MRAP2: variants seen among roughly 807,000 people sequenced by gnomAD.
The protein encoded by MRAP2 is melanocortin 2 receptor accessory protein 2, also known as melanocortin-2 receptor accessory protein 2.
A neutral mutation model predicts 17.4 loss-of-function variants in MRAP2; 20 were observed. The ratio of observed to expected loss-of-function variants is 1.15; its 90% CI spans 0.81 to 1.67. The LOEUF is 1.67. Ranked by LOEUF, MRAP2 falls within the 40% of genes most tolerant of loss-of-function variation. The pLI, the probability that MRAP2 is intolerant of heterozygous loss-of-function variation, is 0.00. For synonymous variants in MRAP2, 96 were observed against 88.4 expected (o/e 1.09, Z -0.48); for missense variants, 238 against 240.0 (o/e 0.99, Z 0.05).
At chr6:84,139,294 C>G in the MRAP2 span, among the ~76,000 whole-genome samples, 1 of 152,116 alleles carries the variant, frequency 6.6e-6, no homozygotes, top group African/African-American at 2.4e-5. Context: ...AGCCTAAAAA[C>G]GACTTTCCTC....
the MRAP2 span, among the ~76,000 whole-genome samples, chr6:84,104,939 T>C: frequency 6.6e-6 from 1 of 152,200 alleles, no homozygotes; most frequent in Non-Finnish European, 1.5e-5. Context: ...CACCAATCTC[T>C]AGGGCAGAGG....
intron 2 of MRAP2, 130 bp downstream of exon 2, chr6:84,055,575 T>G (rs1273798477): frequency 4.5e-6 from 4 of 880,954 alleles, no homozygotes; most frequent in Non-Finnish European, 6.9e-6. Context: ...TCCCAAATTC[T>G]ACAAAACATC....
the MRAP2 span, among the ~76,000 whole-genome samples, chr6:84,102,805 TA>T: frequency 0.11 from 16,469 of 147,888 alleles, 1,449 homozygotes; most frequent in African/African-American, 0.24. Context: ...GTTTACAACT[TA>T]AAAAAAAAAA....
chr6:84,061,586 G>A (rs2099493184), intron 2 of MRAP2, among the ~76,000 whole-genome samples: 1 of 152,196 alleles, frequency 6.6e-6, no homozygotes, highest in Non-Finnish European at 1.5e-5. Context: ...ATAGTGTAGC[G>A]GATGGACTTG....
chr6:84,092,475 T>C (rs562296772), downstream of MRAP2, among the ~76,000 whole-genome samples: 1 of 152,326 alleles, frequency 6.6e-6, no homozygotes, highest in South Asian at 2.1e-4. Flanking sequence ...CCAAATCTTA[T>C]TATCTTAACC....
chr6:84,101,999 G>A, the MRAP2 span, among the ~76,000 whole-genome samples: 2 of 152,286 alleles, frequency 1.3e-5, no homozygotes, highest in Admixed American at 1.3e-4. Context: ...GTGTGTGCAT[G>A]TATACAATGA....
the MRAP2 span, among the ~76,000 whole-genome samples, chr6:84,131,428 C>T: frequency 6.6e-6 from 1 of 152,108 alleles, no homozygotes; most frequent in Non-Finnish European, 1.5e-5. Context: ...GTTGATCTGT[C>T]TAATGTTGAC....
At chr6:84,117,262 A>C in the MRAP2 span, among the ~76,000 whole-genome samples, 2 of 152,142 alleles carry the variant, frequency 1.3e-5, no homozygotes, top group African/African-American at 4.8e-5. Flanking sequence ...AGCACATGTG[A>C]TCCGTCCACC....
rs1181441199 is a variant in MRAP2 at position 84,090,266 on chromosome 6, T to C, written c.*785T>C. 2 of 152,230 alleles carry C rather than the reference T, an allele frequency of 1.3e-5. No individual in the cohort carries two copies. The highest frequency in any genetic ancestry group is 2.9e-5 in the Non-Finnish European group (2 of 68,060). The allele number at this position is 152,230 out of a possible 1,614,324, so 9.4% of individuals were successfully genotyped here. ...CTCTGTACCTTCCACTTAACCCTAA[T>C]TGAGCCAAGCTTTAGTCAGGGGATC... On this transcript the variant is annotated 3_prime_UTR_variant, in exon 4 of 4. Coordinates refer to ENST00000257776, the MANE Select transcript of MRAP2 (RefSeq NM_138409.4).
At chr6:84,119,324 T>C in the MRAP2 span, among the ~76,000 whole-genome samples, 1 of 152,244 alleles carries the variant, frequency 6.6e-6, no homozygotes, top group Non-Finnish European at 1.5e-5. Flanking sequence ...TTCTTCCAAT[T>C]TGTGTTTTTG....
At chr6:84,049,435 C>A (rs1313673482) in intron 1 of MRAP2, among the ~76,000 whole-genome samples, 1 of 151,878 alleles carries the variant, frequency 6.6e-6, no homozygotes, top group East Asian at 1.9e-4. Context: ...AGAAAAAAAA[C>A]ACACAAAAAA....
At chr6:84,036,928 G>C (rs1030432025) in intron 1 of MRAP2, among the ~76,000 whole-genome samples, 7 of 151,988 alleles carry the variant, frequency 4.6e-5, no homozygotes, top group Admixed American at 4.6e-4. Flanking sequence ...TAGACACAGA[G>C]CACTGATTGG....
the MRAP2 span, among the ~76,000 whole-genome samples, chr6:84,144,804 T>C: frequency 1.3e-5 from 2 of 152,144 alleles, no homozygotes; most frequent in African/African-American, 4.8e-5. Flanking sequence ...TAGAGAACTT[T>C]TTCTCTTAAG....
the MRAP2 span, chr6:84,124,848 A>G: frequency 3.7e-6 from 2 of 542,504 alleles, no homozygotes; most frequent in South Asian, 5.0e-5. Flanking sequence ...AACTGTCCAT[A>G]AATCACTTAA....
intron 2 of MRAP2, among the ~76,000 whole-genome samples, chr6:84,057,855 A>G (rs1001095839): frequency 1.3e-5 from 2 of 152,198 alleles, no homozygotes; most frequent in Non-Finnish European, 2.9e-5. Context: ...TAGAATTGCC[A>G]TCGAAAGCCT....
intron 2 of MRAP2, chr6:84,061,849 T>A (rs1562879818): frequency 2.0e-6 from 2 of 985,428 alleles, no homozygotes; most frequent in East Asian, 1.1e-4. Flanking sequence ...TATAAAGTGC[T>A]TTATGTGTGG....
At chr6:84,127,963 C>CCTA in the MRAP2 span, among the ~76,000 whole-genome samples, 4 of 152,154 alleles carry the variant, frequency 2.6e-5, no homozygotes, top group South Asian at 8.3e-4. Flanking sequence ...ATGTGCTAGG[C>CCTA]ATTAGGCTGA....
At chr6:84,086,944 A>G (rs1207879652) in intron 3 of MRAP2, among the ~76,000 whole-genome samples, 4 of 152,232 alleles carry the variant, frequency 2.6e-5, no homozygotes, top group Non-Finnish European at 4.4e-5. Context: ...TGCCACAGGT[A>G]GGCAGAAAAG....
intron 1 of MRAP2, among the ~76,000 whole-genome samples, chr6:84,050,013 C>G (rs1727211067): frequency 6.9e-6 from 1 of 145,090 alleles, no homozygotes; most frequent in African/African-American, 2.9e-5. Flanking sequence ...CGTGTAATGT[C>G]TCTAGACTGA....
Sources: allele counts gnomAD v4.1 joint callset (sites outside exome capture counted in the v4.1 genomes callset), GRCh38; gene constraint gnomAD v4.1.1; transcripts MANE v1.5; gene names NCBI Gene and HGNC (gene_info 2026-07-23, HGNC 2026-07-21).